SCEL: variants seen among roughly 807,000 people sequenced by gnomAD.
SCEL encodes sciellin.
A neutral mutation model predicts 117.6 loss-of-function variants in SCEL; 113 were observed. The observed-to-expected ratio is 0.96, with a 90% CI of 0.83 to 1.12. SCEL has a LOEUF of 1.12. SCEL is among the 50% of genes most tolerant of loss of function. The probability of loss-of-function intolerance (pLI) is 0.00; values close to 1 mark genes in which losing one functional copy is unlikely to be tolerated. For synonymous variants in SCEL, 270 were observed against 256.2 expected (o/e 1.05, Z -0.51); for missense variants, 785 against 810.8 (o/e 0.97, Z 0.39).
At chr13:77,637,058 G>A in intron 29 of SCEL, 62 bp from the exon 30 acceptor site, 1 of 788,032 alleles carries the variant, frequency 1.3e-6, no homozygotes, top group Admixed American at 2.3e-5. Context: ...GTGTGAGTGT[G>A]TTTTCTTATC....
At chr13:77,601,681 A>G (rs2087711008) in intron 15 of SCEL, among the ~76,000 whole-genome samples, 1 of 152,234 alleles carries the variant, frequency 6.6e-6, no homozygotes, top group Non-Finnish European at 1.5e-5. Flanking sequence ...GACTTAAAAT[A>G]TTGATCAATT....
At chr13:77,601,703 CT>C (rs1295455629) in intron 15 of SCEL, among the ~76,000 whole-genome samples, 1 of 152,096 alleles carries the variant, frequency 6.6e-6, no homozygotes, top group Non-Finnish European at 1.5e-5. Flanking sequence ...ATTTCTACCC[CT>C]GATGTAAATG....
intron 1 of SCEL, among the ~76,000 whole-genome samples, chr13:77,546,469 G>A (rs2154394571): frequency 6.6e-6 from 1 of 152,294 alleles, no homozygotes; most frequent in South Asian, 2.1e-4. Flanking sequence ...GATTAAATAA[G>A]ATAATGTGCA....
At chr13:77,541,449 A>G (rs910255246) in intron 1 of SCEL, among the ~76,000 whole-genome samples, 11 of 152,242 alleles carry the variant, frequency 7.2e-5, no homozygotes, top group African/African-American at 2.7e-4. Flanking sequence ...TTTAGAAATT[A>G]TACATCTTGG....
chr13:77,619,870 C>T (rs772611735), intron 27 of SCEL, among the ~76,000 whole-genome samples: 1 of 152,102 alleles, frequency 6.6e-6, no homozygotes, highest in Non-Finnish European at 1.5e-5. Context: ...CATCCCCTTC[C>T]CAACCCCTTT....
chr13:77,563,298 C>CT (rs1457870062), intron 4 of SCEL, among the ~76,000 whole-genome samples: 2 of 151,500 alleles, frequency 1.3e-5, no homozygotes, highest in Non-Finnish European at 2.9e-5. Context: ...CTTTCCTTTC[C>CT]TTTCTTTCCT....
Position 77,557,720 on chromosome 13 carries a change from C to A in SCEL, c.161+1007C>A, listed in dbSNP as rs138113954. Among the ~76,000 whole-genome samples the A allele has an allele frequency of 5.7e-3, 863 of 152,280 alleles. 7 individuals carry two copies. Among genetic ancestry groups the A allele is most frequent in the African/African-American group, 0.019 (807 of 41,532 alleles). On this transcript the variant is annotated intron_variant, in intron 3 of 32. Transcript: ENST00000349847. ...TTGTTGTTAAAATTGAGGAGTGCTT[C>A]TGGTATTTAATGCGTAGAGAACAGG...
chr13:77,560,861 T>C (rs1348466478), intron 4 of SCEL, among the ~76,000 whole-genome samples: 1 of 152,186 alleles, frequency 6.6e-6, no homozygotes, highest in Non-Finnish European at 1.5e-5. Flanking sequence ...ATGTCTTCTA[T>C]GGTGTGGATC....
intron 13 of SCEL, 32 bp from the exon 14 acceptor site, chr13:77,599,296 TG>T (rs1309340293): frequency 6.5e-7 from 1 of 1,536,716 alleles, no homozygotes; most frequent in African/African-American, 1.4e-5. Context: ...TCATTATCAC[TG>T]ATGAGGCTTT....
At chr13:77,575,318 T>C (rs903718642) in intron 9 of SCEL, among the ~76,000 whole-genome samples, 1 of 152,204 alleles carries the variant, frequency 6.6e-6, no homozygotes, top group Admixed American at 6.5e-5. Context: ...TATCTATGCC[T>C]ATGACTATGT....
intron 27 of SCEL, among the ~76,000 whole-genome samples, chr13:77,624,262 C>T (rs551349465): frequency 3.9e-5 from 6 of 152,078 alleles, no homozygotes; most frequent in South Asian, 2.1e-4. Context: ...CCTGCCACCA[C>T]GCTCAGCTAA....
At chr13:77,555,702 T>C (rs1017320523) in intron 1 of SCEL, among the ~76,000 whole-genome samples, 155 bp from the exon 2 acceptor site, 2 of 152,212 alleles carry the variant, frequency 1.3e-5, no homozygotes, top group Non-Finnish European at 2.9e-5. Flanking sequence ...AGATGAACTC[T>C]TGGGTTCTTA....
chr13:77,556,574 T>C, intron 2 of SCEL, 22 bp from the exon 3 acceptor site: 1 of 1,591,694 alleles, frequency 6.3e-7, no homozygotes, highest in Non-Finnish European at 8.6e-7. Flanking sequence ...CATCTTCCAG[T>C]CTTTCATGTT....
At position 77,614,061 on chromosome 13, in the gene SCEL, A is replaced by G. The variant is rs1567420632; in HGVS notation, c.1451+106A>G. 8 of 948,766 alleles carry G rather than the reference A, an allele frequency of 8.4e-6. No homozygotes were observed. The East Asian group carries it at 2.0e-4, about 24-fold the overall frequency. 58.8% of individuals were successfully genotyped at this position (948,766 alleles called of 1,614,324 possible). On this transcript the variant is annotated intron_variant, in intron 24 of 32. Transcript: ENST00000349847. ...GGGCAAATTGAATATAAATCTCAAA[A>G]TATCATCACAGGTGGAAACCTAGAT...
intron 8 of SCEL, among the ~76,000 whole-genome samples, chr13:77,571,122 G>C (rs1022640926): frequency 6.6e-6 from 1 of 150,996 alleles, no homozygotes; most frequent in African/African-American, 2.4e-5. Flanking sequence ...GAGGCCCTGC[G>C]CCTAGCTCGC....
chr13:77,617,696 A>G, intron 25 of SCEL, 38 bp downstream of exon 25: 2 of 1,501,010 alleles, frequency 1.3e-6, no homozygotes, highest in East Asian at 4.5e-5. Context: ...CTTGGGTCAG[A>G]AAGAATATTA....
In SCEL at chr13:77,569,430, C is replaced by A. The variant is rs751646194; in HGVS notation, c.458C>A (p.Thr153Asn). ...TSNTIASTSA[T>N]TPVKKKRQSW... ...AACACCATAGCATCCACTTCTGCTACTACTCCTGTAAAGAAGAAGAGGTAG... is the reference window on the plus strand; with the variant it reads ...AACACCATAGCATCCACTTCTGCTAATACTCCTGTAAAGAAGAAGAGGTAG... Residue 153 changes from threonine (T) to asparagine (N), a missense_variant, in exon 8 of 33, where the codon ACT (threonine) becomes AAT (asparagine). Physicochemically the swap from Thr to Asn is moderately conservative, Grantham distance 65. Transcript: ENST00000349847. The A allele has an allele frequency of 6.2e-7, 1 of 1,613,540 alleles. No individual in the cohort carries two copies. Among genetic ancestry groups the A allele is most frequent in the South Asian group, 1.1e-5 (1 of 91,074 alleles).
intron 1 of SCEL, among the ~76,000 whole-genome samples, chr13:77,553,164 A>G (rs567640269): frequency 9.2e-5 from 14 of 152,362 alleles, no homozygotes; most frequent in Non-Finnish European, 1.6e-4. Flanking sequence ...GACTTGGCCA[A>G]TAACAAGCAC....
intron 12 of SCEL, among the ~76,000 whole-genome samples, chr13:77,596,532 G>T (rs181915448): frequency 6.6e-6 from 1 of 152,222 alleles, no homozygotes; most frequent in East Asian, 1.9e-4. Context: ...GGAAAATTAA[G>T]TCCACAGAAG....
Sources: allele counts gnomAD v4.1 joint callset (sites outside exome capture counted in the v4.1 genomes callset), GRCh38; gene constraint gnomAD v4.1.1; transcripts MANE v1.5; gene names NCBI Gene and HGNC (gene_info 2026-07-23, HGNC 2026-07-21).